AUTS2: variants seen among roughly 807,000 people sequenced by gnomAD.
AUTS2 encodes the protein autism susceptibility gene 2 protein.
Under a neutral mutation model 112.4 loss-of-function variants are expected in AUTS2, and 17 were observed. The observed-to-expected ratio is 0.15, with a 90% CI of 0.10 to 0.23. The LOEUF is 0.23. AUTS2 is among the 10% of genes least tolerant of loss of function. The pLI is 1.00. For missense variants in AUTS2, 1,510 were observed against 1,701.6 expected (o/e 0.89, Z 1.98); for synonymous variants, 751 against 702.7 (o/e 1.07, Z -1.09).
chr7:70,313,361 T>G (rs1316040500), intron 4 of AUTS2, among the ~76,000 whole-genome samples: 1 of 152,200 alleles, frequency 6.6e-6, no homozygotes, highest in African/African-American at 2.4e-5. Context: ...ATGACTATTA[T>G]TTAGCTAAAG....
At chr7:69,987,758 C>T (rs1798573937) in intron 2 of AUTS2, among the ~76,000 whole-genome samples, 1 of 152,158 alleles carries the variant, frequency 6.6e-6, no homozygotes, top group Non-Finnish European at 1.5e-5. Context: ...GGATGAGCCA[C>T]CATGTCCGGA....
At chr7:70,640,673 C>G (rs1585421104) in intron 5 of AUTS2, among the ~76,000 whole-genome samples, 1 of 152,062 alleles carries the variant, frequency 6.6e-6, no homozygotes, top group Non-Finnish European at 1.5e-5. Flanking sequence ...TGAAAGACGG[C>G]TTGGTTCCCT....
At chr7:70,681,527 T>TA (rs1563123986) in intron 5 of AUTS2, among the ~76,000 whole-genome samples, 40 of 93,562 alleles carry the variant, frequency 4.3e-4, no homozygotes, top group Admixed American at 2.0e-3. Context: ...ATATATATAT[T>TA]TTTTTTTTCT....
chr7:70,262,191 TTTG>T lies in AUTS2; in HGVS notation c.660+127632_660+127634del, dbSNP rs889244314. Among the ~76,000 whole-genome samples, 12 of 152,206 alleles carry T rather than the reference TTTG, an allele frequency of 7.9e-5. No homozygotes were observed. In the East Asian group the frequency reaches 9.6e-4, roughly 12 times the overall value. On this transcript the variant is annotated intron_variant, in intron 4 of 18. Transcript: ENST00000342771. ...TTAGTTTTTTAAATGTATGTTTCTT[TTTG>T]TTGTTGTTGTTCTGAGATGGAGTCT...
At chr7:69,816,206 C>T (rs1204687650) in intron 1 of AUTS2, among the ~76,000 whole-genome samples, 2 of 152,180 alleles carry the variant, frequency 1.3e-5, no homozygotes, top group Admixed American at 6.5e-5. Flanking sequence ...GGATCTAAAC[C>T]TTTCTGACAT....
At position 70,679,647 on chromosome 7, in the gene AUTS2, C is replaced by T. The variant is rs56948970; in HGVS notation, c.691-18922C>T. ...AGAGGAAATACATGTGGTCCCTGTC[C>T]GCTTCTAGCCCACTTCAGGCTATTT... On this transcript the variant is annotated intron_variant, in intron 5 of 18. Coordinates refer to ENST00000342771, the MANE Select transcript of AUTS2 (RefSeq NM_015570.4). Among the ~76,000 whole-genome samples, 972 of 151,764 alleles carry T rather than the reference C, an allele frequency of 6.4e-3. 9 individuals carry two copies. Among genetic ancestry groups the T allele is most frequent in the African/African-American group, 0.022 (923 of 41,398 alleles).
intron 2 of AUTS2, among the ~76,000 whole-genome samples, chr7:70,086,983 G>T (rs1803641770): frequency 6.7e-6 from 1 of 149,762 alleles, no homozygotes; most frequent in African/African-American, 2.5e-5. Flanking sequence ...TTATTGCACT[G>T]GCTGCAATCT....
At chr7:70,291,401 C>G (rs1369699002) in intron 4 of AUTS2, 1 of 152,162 alleles carries the variant, frequency 6.6e-6, no homozygotes, top group Non-Finnish European at 1.5e-5. Flanking sequence ...GTAAATCACC[C>G]ATCTCACGAA....
At chr7:70,177,189 G>A (rs1408153488) in intron 4 of AUTS2, among the ~76,000 whole-genome samples, 1 of 152,178 alleles carries the variant, frequency 6.6e-6, no homozygotes. Flanking sequence ...ATGCCAGCAA[G>A]CAGTTATTGA....
At chr7:70,610,595 C>T (rs563081425) in intron 5 of AUTS2, among the ~76,000 whole-genome samples, 3 of 152,080 alleles carry the variant, frequency 2.0e-5, no homozygotes, top group Admixed American at 1.3e-4. Flanking sequence ...CACGCCACTA[C>T]ACCTGGCTAA....
chr7:70,076,275 G>T (rs534216237), intron 2 of AUTS2, among the ~76,000 whole-genome samples: 1 of 152,102 alleles, frequency 6.6e-6, no homozygotes, highest in African/African-American at 2.4e-5. Flanking sequence ...CATGGAAAAG[G>T]CTCAAGTTAA....
intron 6 of AUTS2, among the ~76,000 whole-genome samples, chr7:70,719,259 A>G (rs1439798616): frequency 1.3e-5 from 2 of 152,192 alleles, no homozygotes; most frequent in Non-Finnish European, 2.9e-5. Context: ...AGCTGTTAGC[A>G]GAGATTTCTA....
intron 1 of AUTS2, among the ~76,000 whole-genome samples, chr7:69,740,391 C>T (rs1230802227): frequency 6.6e-6 from 1 of 152,140 alleles, no homozygotes; most frequent in Non-Finnish European, 1.5e-5. Context: ...CTCTGATTGA[C>T]AAGAGCTTAT....
At chr7:69,692,977 T>C (rs1797411154) in intron 1 of AUTS2, among the ~76,000 whole-genome samples, 2 of 152,228 alleles carry the variant, frequency 1.3e-5, no homozygotes, top group Admixed American at 1.3e-4. Flanking sequence ...TTCCTCACCT[T>C]AATTTTGAGA....
chr7:69,744,246 C>T (rs1787391464), intron 1 of AUTS2, among the ~76,000 whole-genome samples: 1 of 152,092 alleles, frequency 6.6e-6, no homozygotes, highest in Non-Finnish European at 1.5e-5. Flanking sequence ...TTTGGGGCTG[C>T]TATAAGTGAG....
At chr7:70,269,335 T>C (rs1479427343) in intron 4 of AUTS2, among the ~76,000 whole-genome samples, 3 of 152,178 alleles carry the variant, frequency 2.0e-5, no homozygotes, top group Non-Finnish European at 2.9e-5. Context: ...GTCATGCAGG[T>C]TTCCCAGTAT....
intron 6 of AUTS2, among the ~76,000 whole-genome samples, chr7:70,712,227 T>G (rs1585553169): frequency 1.1e-5 from 1 of 86,976 alleles, no homozygotes; most frequent in Non-Finnish European, 2.2e-5. Flanking sequence ...TTTTTTTTTT[T>G]GCAGAGACAG....
At chr7:70,463,127 TCTC>T (rs1398874770) in intron 5 of AUTS2, among the ~76,000 whole-genome samples, 3 of 152,184 alleles carry the variant, frequency 2.0e-5, no homozygotes, top group Non-Finnish European at 2.9e-5. Flanking sequence ...GATCTACACA[TCTC>T]CTGTTTCAGG....
intron 4 of AUTS2, among the ~76,000 whole-genome samples, chr7:70,435,342 G>A (rs1324769345): frequency 6.6e-6 from 1 of 152,176 alleles, no homozygotes; most frequent in Non-Finnish European, 1.5e-5. Flanking sequence ...AAGATAGAAT[G>A]TCTTCGTTAA....
Sources: gnomAD v4.1 joint callset for allele counts (sites outside exome capture counted in the v4.1 genomes callset) on GRCh38, gnomAD v4.1.1 for gene constraint, MANE v1.5 for transcripts, NCBI Gene and HGNC (gene_info 2026-07-23, HGNC 2026-07-21) for gene names.